FAM227A: variants seen among roughly 807,000 people sequenced by gnomAD.
The protein encoded by FAM227A is protein FAM227A.
In FAM227A, 80 loss-of-function variants were observed where a neutral mutation model predicts 74.7. The observed-to-expected ratio is 1.07, with a 90% CI of 0.89 to 1.29. The LOEUF (loss-of-function observed/expected upper bound fraction) is 1.29. FAM227A is among the 50% of genes most tolerant of loss of function. FAM227A has a pLI of 0.00. For synonymous variants in FAM227A, 237 were observed against 241.8 expected (o/e 0.98, Z 0.19); for missense variants, 654 against 683.4 (o/e 0.96, Z 0.48).
At chr22:38,607,687 GGGGACCCA>G (rs1295049355) in intron 11 of FAM227A, among the ~76,000 whole-genome samples, 2 of 152,188 alleles carry the variant, frequency 1.3e-5, no homozygotes, top group African/African-American at 2.4e-5. Flanking sequence ...CACATGGGCT[GGGGACCCA>G]GGGCAACCAG....
At chr22:38,600,045 C>T (rs1235944044) in intron 13 of FAM227A, 124 bp from the exon 14 acceptor site, 5 of 914,604 alleles carry the variant, frequency 5.5e-6, no homozygotes, top group Non-Finnish European at 6.3e-6. Flanking sequence ...AGGATGCACC[C>T]TAAGAAAATT....
At chr22:38,588,713 G>A (rs2090863928) in intron 16 of FAM227A, among the ~76,000 whole-genome samples, 1 of 150,094 alleles carries the variant, frequency 6.7e-6, no homozygotes, top group South Asian at 2.1e-4. Context: ...ACGAGGTCAG[G>A]AGTTCGAGAC....
At chr22:38,591,600 G>C in intron 15 of FAM227A, 60 bp from the exon 16 acceptor site, 1 of 1,189,392 alleles carries the variant, frequency 8.4e-7, no homozygotes, top group Non-Finnish European at 1.2e-6. Context: ...TGTCCTCAAT[G>C]TTCTGTATGT....
At chr22:38,595,936 C>CA (rs2091033148) in intron 15 of FAM227A, among the ~76,000 whole-genome samples, 1 of 136,708 alleles carries the variant, frequency 7.3e-6, no homozygotes, top group African/African-American at 2.9e-5. Context: ...TTGAGCTTTT[C>CA]AAAAAAGTCC....
chr22:38,632,286 A>G (rs2091929471), intron 6 of FAM227A, among the ~76,000 whole-genome samples: 1 of 152,222 alleles, frequency 6.6e-6, no homozygotes, highest in Non-Finnish European at 1.5e-5. Context: ...TTCATGTACT[A>G]GAAACTTAAT....
chr22:38,587,695 A>G (rs1299935119), intron 16 of FAM227A, among the ~76,000 whole-genome samples: 1 of 152,090 alleles, frequency 6.6e-6, no homozygotes, highest in East Asian at 1.9e-4. Context: ...CTTCCAAAAA[A>G]TAGAAGAGGT....
At chr22:38,642,341 C>G (rs117237439) in intron 3 of FAM227A, among the ~76,000 whole-genome samples, 1 of 152,074 alleles carries the variant, frequency 6.6e-6, no homozygotes, top group Non-Finnish European at 1.5e-5. Context: ...TGTAGACACC[C>G]TGAGAGGTAA....
In FAM227A at chr22:38,620,205, C is replaced by A; in HGVS notation, c.1038+7G>T. The A allele has an allele frequency of 6.5e-7, 1 of 1,549,080 alleles. No homozygotes were observed. The highest frequency in any genetic ancestry group is 8.7e-7 in the Non-Finnish European group (1 of 1,145,050). On this transcript the variant is annotated splice_region_variant and intron_variant, in intron 11 of 16. Coordinates refer to ENST00000535113, the MANE Select transcript of FAM227A (RefSeq NM_001013647.2). Reference sequence around the variant, plus strand: ...AAAGGGGTCCTGGTCCGTGCCTCCCCACTTACCTGAGGGTGGTAGAATTTC... The same window carrying A: ...AAAGGGGTCCTGGTCCGTGCCTCCCAACTTACCTGAGGGTGGTAGAATTTC...
chr22:38,606,350 G>T (rs558955421), intron 12 of FAM227A, among the ~76,000 whole-genome samples: 4 of 152,050 alleles, frequency 2.6e-5, no homozygotes, highest in South Asian at 2.1e-4. Context: ...AATTTTTTTT[G>T]TAAAGACAGG....
chr22:38,650,274 A>C lies in FAM227A; in HGVS notation c.-94-12T>G. ...GTTTAATCAGCCTCCTGGAAATCAT[A>C]AACAGCATAGAGCCAGCTCAGAAAA... is the stretch of plus-strand genomic sequence containing the variant. On this transcript the variant is annotated splice_polypyrimidine_tract_variant and intron_variant, in intron 1 of 16. Transcript: ENST00000535113. The C allele has an allele frequency of 8.6e-7, 1 of 1,159,144 alleles. No homozygotes were observed. The allele number at this position is 1,159,144 out of a possible 1,614,324, so 71.8% of individuals were successfully genotyped here.
chr22:38,649,351 G>A (rs1193982976), intron 2 of FAM227A, among the ~76,000 whole-genome samples: 1 of 152,062 alleles, frequency 6.6e-6, no homozygotes, highest in Non-Finnish European at 1.5e-5. Context: ...GATCACCTGA[G>A]GTCAGGAGTT....
intron 16 of FAM227A, among the ~76,000 whole-genome samples, chr22:38,586,772 G>A (rs913395247): frequency 7.2e-5 from 11 of 152,070 alleles, no homozygotes; most frequent in African/African-American, 2.2e-4. Context: ...GGGTTCAAGT[G>A]ATTTTCCTGC....
rs2090740956 is a variant in FAM227A at position 38,583,307 on chromosome 22, A to T, written c.*2818T>A. On this transcript the variant is annotated 3_prime_UTR_variant, in exon 17 of 17. Transcript: ENST00000535113. ...CCTGCCTCAGCCTCCTGAGTAGCTG[A>T]GGTTACAGGCACCTGCCATTGTGCC... is the stretch of plus-strand genomic sequence containing the variant. 5.8e-6 allele frequency: 1 copy of T among 172,432 alleles called. No individual in the cohort carries two copies. The highest frequency in any genetic ancestry group is 1.3e-4 in the South Asian group (1 of 7,654). 10.7% of individuals were successfully genotyped at this position (172,432 alleles called of 1,614,324 possible).
At chr22:38,604,578 G>A (rs1330912862) in intron 13 of FAM227A, among the ~76,000 whole-genome samples, 2 of 152,234 alleles carry the variant, frequency 1.3e-5, no homozygotes, top group Non-Finnish European at 2.9e-5. Flanking sequence ...GGAAAGCTCA[G>A]TGGTTGAGAG....
chr22:38,625,320 C>T lies in FAM227A; in HGVS notation c.850+860G>A, dbSNP rs536643558. On this transcript the variant is annotated intron_variant, in intron 9 of 16. Transcript: ENST00000535113. ...AGGAGAATGGCAAGAACCCGGAAGG[C>T]TGAGGTTGCAGTGAGCAGAGATTGT... Among the ~76,000 whole-genome samples the T allele has an allele frequency of 1.2e-3, 174 of 150,420 alleles. 1 individual carries two copies. The highest frequency in any genetic ancestry group is 3.9e-3 in the African/African-American group (161 of 40,770).
At chr22:38,640,293 A>G (rs566364271) in intron 3 of FAM227A, among the ~76,000 whole-genome samples, 2 of 152,262 alleles carry the variant, frequency 1.3e-5, no homozygotes, top group Admixed American at 1.3e-4. Context: ...TCGGCCTCCC[A>G]AAGTGCTGGG....
chr22:38,591,310 G>C, intron 16 of FAM227A, 125 bp downstream of exon 16: 1 of 1,421,920 alleles, frequency 7.0e-7, no homozygotes, highest in Admixed American at 2.9e-5. Flanking sequence ...AGGAGAGAGT[G>C]AGACTCTGTC....
intron 3 of FAM227A, among the ~76,000 whole-genome samples, chr22:38,643,706 T>C (rs1045960106): frequency 2.0e-5 from 3 of 152,186 alleles, no homozygotes; most frequent in African/African-American, 4.8e-5. Flanking sequence ...CATGGATGCT[T>C]ACAGCAGTTT....
rs1395446453 is a variant in FAM227A at position 38,628,317 on chromosome 22, AGATTATTCTG to A, written c.637_646del (p.Gln213CysfsTer5). The A allele has an allele frequency of 1.7e-5, 27 of 1,551,446 alleles. No individual in the cohort carries two copies. Among genetic ancestry groups the A allele is most frequent in the Admixed American group, 1.4e-4 (7 of 50,988 alleles). On this transcript the variant is annotated frameshift_variant, in exon 8 of 17. Coordinates refer to ENST00000535113, the MANE Select transcript of FAM227A (RefSeq NM_001013647.2). LOFTEE classifies it high-confidence loss of function. ...ATAGTGCTGGGCTATCCGGTCAAACAGATTATTCTGGAGCTCCTTGTTTGGCTGCCAGGAA... is the reference window on the plus strand; with the variant it reads ...ATAGTGCTGGGCTATCCGGTCAAACAGAGCTCCTTGTTTGGCTGCCAGGAA...
Sources: gnomAD v4.1 joint callset for allele counts (sites outside exome capture counted in the v4.1 genomes callset) on GRCh38, gnomAD v4.1.1 for gene constraint, MANE v1.5 for transcripts, NCBI Gene and HGNC (gene_info 2026-07-23, HGNC 2026-07-21) for gene names.